APCDD1L: variants seen among roughly 807,000 people sequenced by gnomAD.
The protein encoded by APCDD1L is protein APCDD1-like.
A neutral mutation model predicts 24.2 loss-of-function variants in APCDD1L; 21 were observed. The ratio of observed to expected loss-of-function variants is 0.87; its 90% CI spans 0.61 to 1.25. The LOEUF (loss-of-function observed/expected upper bound fraction) is 1.25. APCDD1L is among the 50% of genes most tolerant of loss of function. The pLI, the probability that APCDD1L is intolerant of heterozygous loss-of-function variation, is 0.00. For synonymous variants in APCDD1L, 321 were observed against 323.6 expected, an observed-to-expected ratio of 0.99 and a Z score of 0.09; for missense variants, 704 against 711.7, an observed-to-expected ratio of 0.99 and a Z score of 0.12.
chr20:58,467,531 C>T lies in APCDD1L; in HGVS notation c.316G>A (p.Val106Ile), dbSNP rs2123136887. ...CGGCGCAGGCGGACTTTGCCCTTGA[C>T]GAGCAGCGAGTGGGCAGGTTCCCCG... The part of the protein sequence containing the change: ...FCGEPAHSLL[V>I]KGKVRLRRAS... Residue 106 changes from valine (V) to isoleucine (I), a missense_variant, in exon 3 of 4, where the codon GTC (valine) becomes ATC (isoleucine). Physicochemically the swap from Val to Ile is conservative, Grantham distance 29. Transcript: ENST00000371149. This position sits in a 1 kb window ranked among gnomAD's most constrained non-coding sequence, Gnocchi z 5.9. The T allele has an allele frequency of 1.9e-6, 3 of 1,592,002 alleles. No homozygotes were observed. Among genetic ancestry groups the T allele is most frequent in the Non-Finnish European group, 2.6e-6 (3 of 1,169,360 alleles).
intron 1 of APCDD1L, among the ~76,000 whole-genome samples, chr20:58,505,797 A>G (rs1169278751): frequency 1.3e-5 from 2 of 152,184 alleles, no homozygotes; most frequent in East Asian, 3.8e-4. Flanking sequence ...GTCCTACTGG[A>G]GCAGGGTGAG....
At chr20:58,512,886 G>C (rs1990654565) in intron 1 of APCDD1L, among the ~76,000 whole-genome samples, 1 of 150,496 alleles carries the variant, frequency 6.6e-6, no homozygotes, top group Non-Finnish European at 1.5e-5. Flanking sequence ...ATTGAGGGCA[G>C]GCTGCCCCCC....
intron 1 of APCDD1L, among the ~76,000 whole-genome samples, chr20:58,492,023 AAAG>A (rs1242018999): frequency 1.3e-5 from 2 of 152,230 alleles, no homozygotes; most frequent in African/African-American, 2.4e-5. Flanking sequence ...GTGGAAAGGA[AAAG>A]AAGTCGGTTC....
intron 1 of APCDD1L, among the ~76,000 whole-genome samples, chr20:58,488,105 A>G (rs1196418780): frequency 6.6e-6 from 1 of 152,222 alleles, no homozygotes; most frequent in Non-Finnish European, 1.5e-5. Context: ...GGAAAATTCC[A>G]GAAATAAACA....
intron 1 of APCDD1L, among the ~76,000 whole-genome samples, chr20:58,504,312 G>A (rs1311482956): frequency 3.3e-5 from 5 of 152,162 alleles, no homozygotes; most frequent in Non-Finnish European, 7.4e-5. Flanking sequence ...AGACAACCAT[G>A]TGAACAGACT....
chr20:58,492,514 A>C (rs1013058061), intron 1 of APCDD1L, among the ~76,000 whole-genome samples: 1 of 152,254 alleles, frequency 6.6e-6, no homozygotes, highest in African/African-American at 2.4e-5. Context: ...GGATTAGCCA[A>C]ATTTATGAAT....
At chr20:58,500,754 T>C (rs1256009307) in intron 1 of APCDD1L, among the ~76,000 whole-genome samples, 1 of 152,110 alleles carries the variant, frequency 6.6e-6, no homozygotes, top group African/African-American at 2.4e-5. Flanking sequence ...GGCCACACCT[T>C]TGACTACCCC....
intron 1 of APCDD1L, among the ~76,000 whole-genome samples, chr20:58,490,483 C>G (rs78990068): frequency 6.6e-6 from 1 of 152,174 alleles, no homozygotes; most frequent in Non-Finnish European, 1.5e-5. Context: ...GAGAACTTAA[C>G]GACACATGGA....
At chr20:58,479,868 C>T (rs757009001) in intron 1 of APCDD1L, among the ~76,000 whole-genome samples, 19 of 152,170 alleles carry the variant, frequency 1.2e-4, no homozygotes, top group Non-Finnish European at 2.2e-4. Flanking sequence ...GGAGCCATTC[C>T]AGCACTGCTG....
Position 58,460,526 on chromosome 20 carries a change from T to C in APCDD1L, c.*264A>G, listed in dbSNP as rs551509884. ...AAAGTAGAAAAATTGGGAGTGATCTTTAGAAACTCACGTAGCGATGAACAT... is the reference window on the plus strand; with the variant it reads ...AAAGTAGAAAAATTGGGAGTGATCTCTAGAAACTCACGTAGCGATGAACAT... On this transcript the variant is annotated 3_prime_UTR_variant, in exon 4 of 4. Transcript: ENST00000371149. The surrounding 1 kb of genome is among the most constrained non-coding windows in gnomAD (Gnocchi z 4.2). 1 of 360,700 alleles carries C rather than the reference T, an allele frequency of 2.8e-6. No homozygotes were observed. The highest frequency in any genetic ancestry group is 4.9e-6 in the Non-Finnish European group (1 of 203,688). 22.3% of individuals were successfully genotyped at this position (360,700 alleles called of 1,614,324 possible). A position where few individuals can be genotyped will look rare whatever the true frequency, so the allele number is the denominator to read the frequency against.
In APCDD1L at chr20:58,467,244, C is replaced by A. The variant is rs764542989; in HGVS notation, c.603G>T (p.Val201=). The A allele has an allele frequency of 5.7e-6, 9 of 1,589,952 alleles. No homozygotes were observed. The highest frequency in any genetic ancestry group is 6.0e-6 in the Non-Finnish European group (7 of 1,173,726). Residue 201 remains valine (V), a synonymous_variant, in exon 3 of 4, where the codon GTG becomes GTT. Transcript: ENST00000371149. The surrounding 1 kb of genome is among the most constrained non-coding windows in gnomAD (Gnocchi z 5.9). Reference sequence around the variant, plus strand: ...GGGGCTGCGGCTGCAGGCGGCGCTGCACGCGGACCAGGCTGAGCTCGTGCA... The same window carrying A: ...GGGGCTGCGGCTGCAGGCGGCGCTGAACGCGGACCAGGCTGAGCTCGTGCA... The part of the protein sequence containing the change: ...LTMHELSLVR[V]QRRLQPQPRA...
At chr20:58,464,162 C>A (rs974441572) in intron 3 of APCDD1L, among the ~76,000 whole-genome samples, 1 of 152,162 alleles carries the variant, frequency 6.6e-6, no homozygotes, top group Non-Finnish European at 1.5e-5. Context: ...TTTTAACCTA[C>A]ATTCTGAGCT....
chr20:58,472,264 G>C (rs1989826096), intron 1 of APCDD1L, among the ~76,000 whole-genome samples: 1 of 152,198 alleles, frequency 6.6e-6, no homozygotes, highest in African/African-American at 2.4e-5. Context: ...AACTGGGTGT[G>C]GACCCCTTGC....
chr20:58,469,661 G>A (rs1429914185), intron 2 of APCDD1L, among the ~76,000 whole-genome samples: 1 of 152,230 alleles, frequency 6.6e-6, no homozygotes, highest in African/African-American at 2.4e-5. Flanking sequence ...GGGCGTGGGG[G>A]CTGTGTGCAG....
At chr20:58,470,983 C>G (rs1459795307) in intron 1 of APCDD1L, among the ~76,000 whole-genome samples, 3 of 152,202 alleles carry the variant, frequency 2.0e-5, no homozygotes, top group Non-Finnish European at 2.9e-5. Flanking sequence ...ATGTGATCAC[C>G]CTAGAATCCA....
intron 1 of APCDD1L, among the ~76,000 whole-genome samples, chr20:58,507,045 C>T (rs1470290821): frequency 6.6e-6 from 1 of 152,178 alleles, no homozygotes; most frequent in Non-Finnish European, 1.5e-5. Flanking sequence ...TGAATTGTAA[C>T]TCCCACAATT....
At chr20:58,488,650 A>G (rs1433497810) in intron 1 of APCDD1L, among the ~76,000 whole-genome samples, 2 of 152,248 alleles carry the variant, frequency 1.3e-5, no homozygotes, top group Non-Finnish European at 2.9e-5. Flanking sequence ...ATCAAAATCA[A>G]AAGAACACTG....
In APCDD1L at chr20:58,467,474, C is replaced by T; in HGVS notation, c.373G>A (p.Ala125Thr). ...ASWVTRGATE[A>T]DYHLHKVGIV... ...CCCACCTTGTGCAGGTGGTAGTCGG[C>T]CTCGGTGGCTCCCCGGGTGACCCAG... is the stretch of plus-strand genomic sequence containing the variant. The change falls in exon 3 of 4, where the codon GCC becomes ACC. Residue 125 changes from alanine to threonine, a missense_variant. Ala to Thr is a moderately conservative substitution (Grantham distance 58, BLOSUM62 0). Transcript: ENST00000371149. The surrounding 1 kb of genome is among the most constrained non-coding windows in gnomAD (Gnocchi z 5.9). The T allele has an allele frequency of 6.3e-7, 1 of 1,597,054 alleles. No homozygotes were observed. The highest frequency in any genetic ancestry group is 1.1e-5 in the South Asian group (1 of 88,354).
chr20:58,498,399 T>C (rs1474862491), intron 1 of APCDD1L, among the ~76,000 whole-genome samples: 1 of 152,220 alleles, frequency 6.6e-6, no homozygotes, highest in Non-Finnish European at 1.5e-5. Context: ...TAAAGGAGCT[T>C]AAATGCAGTT....
Sources: gnomAD v4.1 joint callset for allele counts (sites outside exome capture counted in the v4.1 genomes callset) on GRCh38, gnomAD v4.1.1 for gene constraint, Gnocchi (gnomAD v3.1) non-coding constraint, MANE v1.5 for transcripts, NCBI Gene and HGNC (gene_info 2026-07-23, HGNC 2026-07-21) for gene names.